FHIT: variants seen among roughly 807,000 people sequenced by gnomAD.
FHIT encodes the protein fragile histidine triad diadenosine triphosphatase.
In FHIT, 19 loss-of-function variants were observed where a neutral mutation model predicts 17.9. The observed-to-expected ratio is 1.06, with a 90% CI of 0.74 to 1.56. The LOEUF is 1.56. Ranked by LOEUF, FHIT falls within the 40% of genes most tolerant of loss-of-function variation. The pLI is 0.00. For synonymous variants in FHIT, 81 were observed against 69.7 expected, an observed-to-expected ratio of 1.16 and a Z score of -0.81; for missense variants, 248 against 189.2, an observed-to-expected ratio of 1.31 and a Z score of -1.82.
chr3:59,998,654 C>T (rs564156545), intron 7 of FHIT, among the ~76,000 whole-genome samples: 182 of 152,156 alleles, frequency 1.2e-3, no homozygotes, highest in African/African-American at 4.4e-3. Context: ...AAAGAGCCAG[C>T]CAGTCTCAGG....
chr3:60,140,940 G>C (rs898370979), intron 5 of FHIT, among the ~76,000 whole-genome samples: 21 of 152,052 alleles, frequency 1.4e-4, no homozygotes, highest in African/African-American at 4.8e-4. Context: ...AGCTGTCATC[G>C]GTCAGTAAAT....
At chr3:59,974,931 A>G (rs11711589) in intron 7 of FHIT, among the ~76,000 whole-genome samples, 28,225 of 152,002 alleles carry the variant, frequency 0.19, 3,004 homozygotes, top group East Asian at 0.38. Context: ...CATTACAAAT[A>G]ATTTTACTTA....
At chr3:59,862,631 G>C (rs1702458367) in intron 8 of FHIT, among the ~76,000 whole-genome samples, 2 of 152,160 alleles carry the variant, frequency 1.3e-5, no homozygotes, top group Non-Finnish European at 2.9e-5. Flanking sequence ...CTTAGGCTGG[G>C]TTCCTCTAAA....
chr3:60,838,584 G>C (rs1184889696), intron 3 of FHIT, among the ~76,000 whole-genome samples: 1 of 152,090 alleles, frequency 6.6e-6, no homozygotes, highest in Non-Finnish European at 1.5e-5. Context: ...TATTTTCACA[G>C]GCAATAGGAT....
In FHIT at chr3:60,014,132, G is replaced by T; in HGVS notation, c.124C>A (p.Arg42=). 6.2e-7 allele frequency: 1 copy of T among 1,614,008 alleles called. No individual in the cohort carries two copies. Residue 42 remains arginine, a synonymous_variant, in exon 6 of 10, where the codon CGG becomes AGG. Coordinates refer to ENST00000492590, the MANE Select transcript of FHIT (RefSeq NM_002012.4). Reference sequence around the variant, plus strand: ...AGGTCATGGAAGCGCTCCACTGGCCGCAGCGGGCACACAAGGACATCTGTA... The same window carrying T: ...AGGTCATGGAAGCGCTCCACTGGCCTCAGCGGGCACACAAGGACATCTGTA... ...VPGHVLVCPL[R]PVERFHDLRP...
chr3:60,218,846 C>T (rs1703821417), intron 5 of FHIT, among the ~76,000 whole-genome samples: 1 of 151,844 alleles, frequency 6.6e-6, no homozygotes, highest in South Asian at 2.1e-4. Flanking sequence ...GAGCTCTTAA[C>T]TCTATACTGC....
chr3:60,728,733 T>G (rs1182362470), intron 4 of FHIT, among the ~76,000 whole-genome samples: 1 of 132,102 alleles, frequency 7.6e-6, no homozygotes, highest in Non-Finnish European at 1.6e-5. Flanking sequence ...ACACACACAA[T>G]TGGCATGCAA....
rs188753527 is a variant in FHIT at position 59,856,900 on chromosome 3, C to T, written c.348+65446G>A. On this transcript the variant is annotated intron_variant, in intron 8 of 9. Transcript: ENST00000492590. ...TTTTTTTTTTTAACTCTCCTTTAAT[C>T]CCCACAACCACCCTGAATGGTGGAG... Among the ~76,000 whole-genome samples the T allele has an allele frequency of 2.5e-3, 384 of 151,720 alleles. 2 individuals carry two copies. Among genetic ancestry groups the T allele is most frequent in the African/African-American group, 7.3e-3 (303 of 41,388 alleles).
At chr3:60,482,001 G>A (rs555064556) in intron 5 of FHIT, among the ~76,000 whole-genome samples, 7 of 151,976 alleles carry the variant, frequency 4.6e-5, no homozygotes, top group Non-Finnish European at 1.0e-4. Context: ...CAAATAGAAA[G>A]CAAAAGAAAG....
intron 2 of FHIT, among the ~76,000 whole-genome samples, chr3:61,083,758 TA>T (rs2106786274): frequency 6.6e-6 from 1 of 152,358 alleles, no homozygotes; most frequent in African/African-American, 2.4e-5. Flanking sequence ...GTGTTTTTTT[TA>T]TTTTGTTTTT....
intron 7 of FHIT, among the ~76,000 whole-genome samples, chr3:59,977,755 T>C (rs1309338469): frequency 6.6e-6 from 1 of 152,162 alleles, no homozygotes; most frequent in African/African-American, 2.4e-5. Context: ...TAATTATCTA[T>C]CTGTAGCTCC....
chr3:60,809,184 A>G lies in FHIT; in HGVS notation c.-18+12735T>C, dbSNP rs190255004. Among the ~76,000 whole-genome samples, 281 of 152,318 alleles carry G rather than the reference A, an allele frequency of 1.8e-3. 1 individual carries two copies. Among genetic ancestry groups the G allele is most frequent in the African/African-American group, 6.6e-3 (273 of 41,572 alleles). On this transcript the variant is annotated intron_variant, in intron 4 of 9. Coordinates refer to ENST00000492590, the MANE Select transcript of FHIT (RefSeq NM_002012.4). ...ATTAATCACAAGAGCATAAAATTTC[A>G]TTTATTGACATATCATTAAATATGA...
intron 5 of FHIT, among the ~76,000 whole-genome samples, chr3:60,458,147 G>A (rs983207033): frequency 2.6e-4 from 40 of 152,092 alleles, no homozygotes; most frequent in Non-Finnish European, 4.3e-4. Context: ...TGTTTATTGC[G>A]GCACTACTCA....
chr3:60,605,111 CAGAG>C (rs140136950), intron 4 of FHIT, among the ~76,000 whole-genome samples: 12 of 150,154 alleles, frequency 8.0e-5, no homozygotes, highest in Admixed American at 4.6e-4. Context: ...CACACACACA[CAGAG>C]AGAGAGAGAG....
intron 5 of FHIT, among the ~76,000 whole-genome samples, chr3:60,222,736 G>T (rs1704019253): frequency 6.6e-6 from 1 of 151,948 alleles, no homozygotes; most frequent in Admixed American, 6.6e-5. Context: ...ACTAAAGGAG[G>T]ACAAGAAAAT....
chr3:59,814,227 T>C (rs149048979), intron 8 of FHIT, among the ~76,000 whole-genome samples: 9 of 152,308 alleles, frequency 5.9e-5, no homozygotes, highest in African/African-American at 2.2e-4. Flanking sequence ...ATCAGACTTG[T>C]TGGAAAATGC....
intron 3 of FHIT, among the ~76,000 whole-genome samples, chr3:60,969,528 T>C (rs1335958576): frequency 6.6e-6 from 1 of 152,160 alleles, no homozygotes; most frequent in Non-Finnish European, 1.5e-5. Context: ...ACATCAAAGC[T>C]TGATATGTTA....
intron 4 of FHIT, among the ~76,000 whole-genome samples, chr3:60,572,530 A>G (rs2037420029): frequency 6.6e-6 from 1 of 151,020 alleles, no homozygotes; most frequent in Non-Finnish European, 1.5e-5. Flanking sequence ...ACAAATGCAC[A>G]TACATGCATA....
chr3:61,063,535 G>C (rs1166538436), intron 2 of FHIT, among the ~76,000 whole-genome samples: 1 of 152,122 alleles, frequency 6.6e-6, no homozygotes, highest in Admixed American at 6.5e-5. Flanking sequence ...GGTGGCAGTT[G>C]GCACAGTGGA....
Sources: allele counts gnomAD v4.1 joint callset (sites outside exome capture counted in the v4.1 genomes callset), GRCh38; gene constraint gnomAD v4.1.1; transcripts MANE v1.5; gene names NCBI Gene and HGNC (gene_info 2026-07-23, HGNC 2026-07-21).